Variants in ZNF688 observed in about 807,000 individuals in gnomAD.
The protein encoded by ZNF688 is zinc finger protein 688.
A neutral mutation model predicts 13.2 loss-of-function variants in ZNF688; 10 were observed. That is an observed-to-expected ratio of 0.76 (90% CI 0.47 to 1.28). The LOEUF (loss-of-function observed/expected upper bound fraction) is 1.28, where lower values mean the gene tolerates loss of function less well. Among genes scored for constraint, ZNF688 ranks in the 50% most tolerant of loss-of-function variants. The pLI is 0.00. For missense variants in ZNF688, 381 were observed against 391.4 expected (o/e 0.97, Z 0.22); for synonymous variants, 160 against 159.4 (o/e 1.00, Z -0.03).
At chr16:30,570,607 C>G in intron 2 of ZNF688, 171 bp from the exon 3 acceptor site, 1 of 774,412 alleles carries the variant, frequency 1.3e-6, no homozygotes, top group Non-Finnish European at 2.0e-6. Context: ...TTATCTGAGC[C>G]TTGGTTCCTT....
At position 30,570,074 on chromosome 16, in the gene ZNF688, C is replaced by A. The variant is rs775862905; in HGVS notation, c.673G>T (p.Ala225Ser). 2.5e-6 allele frequency: 4 copies of A among 1,611,000 alleles called. No homozygotes were observed. Among genetic ancestry groups the A allele is most frequent in the African/African-American group, 1.3e-5 (1 of 75,002 alleles). ...ECGMRFKRKF[A>S]VEAHQWIHRS... ...TGGATCCACTGGTGCGCTTCCACTGCGAACTTCCTCTTGAAGCGCATGCCA... is the reference window on the plus strand; with the variant it reads ...TGGATCCACTGGTGCGCTTCCACTGAGAACTTCCTCTTGAAGCGCATGCCA... The change falls in exon 3 of 3, where the codon GCA becomes TCA. Residue 225 changes from alanine to serine, a missense_variant. Transcript: ENST00000223459.
upstream of ZNF688, among the ~76,000 whole-genome samples, chr16:30,574,605 A>G (rs1351759176): frequency 6.6e-6 from 1 of 152,054 alleles, no homozygotes. Context: ...TTACATATTT[A>G]TGGAGTTCAT....
intron 2 of ZNF688, 95 bp from the exon 3 acceptor site, chr16:30,570,531 C>T: frequency 1.4e-6 from 2 of 1,444,158 alleles, no homozygotes; most frequent in Non-Finnish European, 1.9e-6. Context: ...GAGGGAAGTT[C>T]TGTCCAGTGA....
At chr16:30,570,602 T>C in intron 2 of ZNF688, 166 bp from the exon 3 acceptor site, 1 of 806,424 alleles carries the variant, frequency 1.2e-6, no homozygotes, top group Non-Finnish European at 1.9e-6. Context: ...GTGCCTTATC[T>C]GAGCCTTGGT....
chr16:30,570,550 C>T (rs542663913), intron 2 of ZNF688, 114 bp from the exon 3 acceptor site: 1 of 1,318,336 alleles, frequency 7.6e-7, no homozygotes, highest in South Asian at 1.4e-5. Flanking sequence ...GATTAACACA[C>T]AGGCTTTAGA....
chr16:30,570,799 C>A, intron 2 of ZNF688: 1 of 501,752 alleles, frequency 2.0e-6, no homozygotes, highest in Admixed American at 3.4e-5. Flanking sequence ...GTCACCCAGG[C>A]TGGAGTGCCT....
At chr16:30,572,610 G>T (rs896435597), upstream of ZNF688, 1 of 197,862 alleles carries the variant, frequency 5.1e-6, no homozygotes, top group Non-Finnish European at 1.0e-5. Context: ...TTGAGACAGG[G>T]TCTTGCTCTG....
upstream of ZNF688, among the ~76,000 whole-genome samples, chr16:30,577,407 G>A (rs2051757049): frequency 1.4e-5 from 2 of 146,638 alleles, no homozygotes; most frequent in Admixed American, 6.8e-5. Context: ...TTTAGATGGA[G>A]TCTCGCTCTG....
chr16:30,577,052 C>A (rs1179795323), upstream of ZNF688, among the ~76,000 whole-genome samples: 12 of 152,036 alleles, frequency 7.9e-5, no homozygotes, highest in Non-Finnish European at 1.5e-5. Flanking sequence ...AGGTGTGGAC[C>A]ACCATGCCCA....
rs906968036 is a variant in ZNF688, at chr16:30,570,120, C to G, written c.627G>C (p.Arg209=). The change falls in exon 3 of 3, where the codon CGG becomes CGC. Residue 209 remains arginine (R), a synonymous_variant. Transcript: ENST00000223459. ...TGCCACACTCGGGGCAGGGGAAAGG[C>G]CGCTCCCCCGAGTGCATGCGCCTGT... The part of the protein sequence containing the change: ...VSHRRMHSGE[R]PFPCPECGMR... The G allele has an allele frequency of 1.9e-6, 3 of 1,610,828 alleles. No homozygotes were observed. In the African/African-American group the frequency reaches 4.0e-5, roughly 22 times the overall value.
At chr16:30,570,481 G>A in intron 2 of ZNF688, 45 bp from the exon 3 acceptor site, 3 of 1,573,674 alleles carry the variant, frequency 1.9e-6, no homozygotes, top group African/African-American at 1.3e-5. Flanking sequence ...CTTTTGCACA[G>A]ACTGTCTCAG....
chr16:30,571,756 A>AG, upstream of ZNF688: 1 of 1,336,050 alleles, frequency 7.5e-7, no homozygotes, highest in Non-Finnish European at 9.5e-7. Flanking sequence ...AACGCAGCCG[A>AG]GGCAACCGAA....
chr16:30,570,095 T>C lies in ZNF688; in HGVS notation c.652A>G (p.Met218Val). 1 of 1,611,576 alleles carries C rather than the reference T, an allele frequency of 6.2e-7. No individual in the cohort carries two copies. Among genetic ancestry groups the C allele is most frequent in the Non-Finnish European group, 8.5e-7 (1 of 1,179,200 alleles). Residue 218 changes from methionine to valine, a missense_variant, in exon 3 of 3, where the codon ATG becomes GTG. Transcript: ENST00000223459. The stretch of plus-strand genomic sequence containing the variant: ...ACTGCGAACTTCCTCTTGAAGCGCA[T>C]GCCACACTCGGGGCAGGGGAAAGGC... ...ERPFPCPECGMRFKRKFAVEA... is the reference protein window; with the variant it reads ...ERPFPCPECGVRFKRKFAVEA...
At position 30,570,382 on chromosome 16, in the gene ZNF688, C is replaced by T; in HGVS notation, c.365G>A (p.Gly122Glu). The T allele has an allele frequency of 6.2e-7, 1 of 1,613,876 alleles. No individual in the cohort carries two copies. Among genetic ancestry groups the T allele is most frequent in the Non-Finnish European group, 8.5e-7 (1 of 1,180,020 alleles). ...EEPEEVPRAKGPRKAPVKESP... is the reference protein window; with the variant it reads ...EEPEEVPRAKEPRKAPVKESP... ...CTCCTTCACAGGAGCCTTTCTAGGC[C>T]CTTTGGCTCTTGGGACTTCCTCCGG... The change falls in exon 3 of 3, where the codon GGG (glycine) becomes GAG (glutamate). Residue 122 changes from glycine (G) to glutamate (E), a missense_variant. Gly to Glu is a moderately conservative substitution (Grantham distance 98). Coordinates refer to ENST00000223459, the MANE Select transcript of ZNF688 (RefSeq NM_145271.4).
rs760590091 is a variant in ZNF688, at chr16:30,570,283, T to C, written c.464A>G (p.Lys155Arg). ...SVAPARAQPP[K>R]NAAWDPTTGA... ...TGTGGTCGGGTCCCAGGCAGCATTT[T>C]TGGGTGGCTGTGCCCGTGCCGGGGC... Residue 155 changes from lysine (K) to arginine (R), a missense_variant, in exon 3 of 3, where the codon AAA becomes AGA. Lys to Arg is a conservative substitution (Grantham distance 26). Transcript: ENST00000223459. 1.9e-6 allele frequency: 3 copies of C among 1,614,014 alleles called. No individual in the cohort carries two copies. The highest frequency in any genetic ancestry group is 2.5e-6 in the Non-Finnish European group (3 of 1,179,974).
At chr16:30,572,478 T>C (rs1597140966), upstream of ZNF688, 1 of 472,272 alleles carries the variant, frequency 2.1e-6, no homozygotes, top group Non-Finnish European at 3.5e-6. Flanking sequence ...CTCGGCTCGC[T>C]CAGGCTCTAG....
chr16:30,571,603 C>T lies in ZNF688; in HGVS notation c.27G>A (p.Leu9=). 6.6e-7 allele frequency: 1 copy of T among 1,522,600 alleles called. No homozygotes were observed. The highest frequency in any genetic ancestry group is 2.1e-4 in the Middle Eastern group (1 of 4,776). The allele number at this position is 1,522,600 out of a possible 1,614,324, so 94.3% of individuals were successfully genotyped here. ...GCCGGGTCTCCCCGGGCCTCGGCGC[C>T]AGGAGCGGGGCTGGGGGCGGCGCCA... MAPPPAPL[L]APRPGETRPG... is the part of the protein sequence containing the mutation. Residue 9 remains leucine (L), a synonymous_variant, in exon 1 of 3, where the codon CTG becomes CTA. Transcript: ENST00000223459.
the ZNF688 span, among the ~76,000 whole-genome samples, chr16:30,577,742 G>A: frequency 0.047 from 7,109 of 151,022 alleles, 526 homozygotes; most frequent in African/African-American, 0.16. Context: ...GAGTGCAGTG[G>A]TACAATCTCG....
In ZNF688 at chr16:30,569,980, C is replaced by T. The variant is rs1379560753; in HGVS notation, c.767G>A (p.Arg256Gln). The change falls in exon 3 of 3, where the codon CGA (arginine) becomes CAA (glutamine). Residue 256 changes from arginine to glutamine, a missense_variant. By Grantham distance (43) the Arg-to-Gln change is conservative. Transcript: ENST00000223459. ...GIRAVPRAPV[R>Q]GDRDPPVLFR... The stretch of plus-strand genomic sequence containing the variant: ...GAGCACAGGCGGGTCCCGGTCACCT[C>T]GGACGGGGGCCCGAGGCACAGCCCG... 6.2e-7 allele frequency: 1 copy of T among 1,601,908 alleles called. No individual in the cohort carries two copies.
Sources: gnomAD v4.1 joint callset for allele counts (sites outside exome capture counted in the v4.1 genomes callset) on GRCh38, gnomAD v4.1.1 for gene constraint, MANE v1.5 for transcripts, NCBI Gene and HGNC (gene_info 2026-07-23, HGNC 2026-07-21) for gene names.